Variants in OGT observed in about 807,000 individuals in gnomAD.
OGT encodes the protein UDP-N-acetylglucosamine--peptide N-acetylglucosaminyltransferase 110 kDa subunit.
A neutral mutation model predicts 75.8 loss-of-function variants in OGT; 3 were observed. The ratio of observed to expected loss-of-function variants is 0.04; its 90% CI spans 0.02 to 0.10. The LOEUF is 0.10. Among genes scored for constraint, OGT ranks in the 10% least tolerant of loss-of-function variants. The pLI, the probability that OGT is intolerant of heterozygous loss-of-function variation, is 1.00. For missense variants in OGT, 260 were observed against 824.4 expected, an observed-to-expected ratio of 0.32 and a Z score of 8.38; for synonymous variants, 257 against 289.7, an observed-to-expected ratio of 0.89 and a Z score of 1.15.
At chrX:71,542,801 T>C (rs944993920) in intron 3 of OGT, among the ~76,000 whole-genome samples, 1 of 112,560 alleles carries the variant, frequency 8.9e-6, no homozygotes, top group African/African-American at 3.2e-5. Context: ...GAAAAAAACA[T>C]AACCATACAA....
intron 13 of OGT, 49 bp from the exon 14 acceptor site, chrX:71,559,539 A>G: frequency 8.6e-7 from 1 of 1,168,214 alleles, no homozygotes; most frequent in Non-Finnish European, 1.2e-6. Flanking sequence ...GATTTGAGCC[A>G]GAAAGATTTG....
At chrX:71,572,023 C>G (rs1002622901) in intron 21 of OGT, among the ~76,000 whole-genome samples, 2 of 111,060 alleles carry the variant, frequency 1.8e-5, no homozygotes, top group Admixed American at 9.6e-5. Flanking sequence ...CCTGCCTCGG[C>G]CTCCCAAAGT....
At chrX:71,549,295 CAAA>C (rs35779562) in intron 5 of OGT, among the ~76,000 whole-genome samples, 11 of 21,829 alleles carry the variant, frequency 5.0e-4, no homozygotes, top group African/African-American at 1.2e-3. Context: ...GGCCCTGTCT[CAAA>C]AAAAAAAAAA....
chrX:71,561,792 A>G lies in OGT; in HGVS notation c.1869A>G (p.Lys623=), dbSNP rs1157024271. ...TTCTGTAGATTCCATGCAATGGAAA[A>G]GCAGCTGATCGCATCCATCAGGATG... The part of the protein sequence containing the change: ...IDLSQIPCNG[K]AADRIHQDGI... Residue 623 remains lysine, a synonymous_variant, in exon 15 of 22, where the codon AAA becomes AAG. Coordinates refer to ENST00000373719, the MANE Select transcript of OGT (RefSeq NM_181672.3). 1 of 1,202,699 alleles carries G rather than the reference A, an allele frequency of 8.3e-7. No individual in the cohort carries two copies. Among genetic ancestry groups the G allele is most frequent in the South Asian group, 1.8e-5 (1 of 55,433 alleles).
At position 71,564,773 on chromosome X, in the gene OGT, A is replaced by G. The variant is rs1191340369; in HGVS notation, c.2589+20A>G. 8.8e-7 allele frequency: 1 copy of G among 1,132,711 alleles called. No individual in the cohort carries two copies. Among genetic ancestry groups the G allele is most frequent in the East Asian group, 3.0e-5 (1 of 32,832 alleles). 93.3% of individuals were successfully genotyped at this position (1,132,711 alleles called of 1,213,427 possible). A position where few individuals can be genotyped will look rare whatever the true frequency, so the allele number is the denominator to read the frequency against. The stretch of plus-strand genomic sequence containing the variant: ...GCAAACGTGAGTATGCAAGTATGTT[A>G]GAGACTAATAAAGATTTTGTATCTA... On this transcript the variant is annotated intron_variant, in intron 19 of 21. Transcript: ENST00000373719.
intron 3 of OGT, among the ~76,000 whole-genome samples, chrX:71,540,824 C>G (rs2040212947): frequency 9.1e-6 from 1 of 110,421 alleles, no homozygotes; most frequent in East Asian, 2.8e-4. Context: ...AGGTGCCCAC[C>G]ACCATGCCTG....
intron 12 of OGT, 92 bp downstream of exon 12, chrX:71,557,764 A>G: frequency 2.4e-6 from 2 of 820,154 alleles, no homozygotes; most frequent in South Asian, 2.8e-5. Flanking sequence ...ATGAACGATT[A>G]TAAAGTGAAC....
chrX:71,544,760 G>T lies in OGT; in HGVS notation c.531+125G>T, dbSNP rs2040247857. On this transcript the variant is annotated intron_variant, in intron 4 of 21. Coordinates refer to ENST00000373719, the MANE Select transcript of OGT (RefSeq NM_181672.3). ...CCTTTGAAACTGAGGAAAACTGACG[G>T]CACGAATCGCCTCAGAATAGAGCAG... 3 of 551,333 alleles carry T rather than the reference G, an allele frequency of 5.4e-6. No individual in the cohort carries two copies. The African/African-American group carries it at 6.9e-5, about 13-fold the overall frequency. The allele number at this position is 551,333 out of a possible 1,213,427, so 45.4% of individuals were successfully genotyped here.
At chrX:71,547,802 C>T in intron 4 of OGT, 105 bp from the exon 5 acceptor site, 1 of 1,119,950 alleles carries the variant, frequency 8.9e-7, no homozygotes, top group South Asian at 2.0e-5. Context: ...AATGATATCA[C>T]CTTCTTCCCC....
chrX:71,555,893 C>T lies in OGT; in HGVS notation c.925-61C>T, dbSNP rs376623947. On this transcript the variant is annotated intron_variant, in intron 7 of 21. Transcript: ENST00000373719. ...AGGCTTAATTAAACAATTATTAGAA[C>T]AGTATCAGTGGAGGCTTTATGATTC... The T allele has an allele frequency of 3.6e-5, 41 of 1,138,422 alleles. 1 individual carries two copies. The African/African-American group carries it at 4.3e-4, about 12-fold the overall frequency. The allele number at this position is 1,138,422 out of a possible 1,213,427, so 93.8% of individuals were successfully genotyped here.
intron 8 of OGT, 135 bp downstream of exon 8, chrX:71,556,229 GAGTA>G (rs1475126096): frequency 2.9e-6 from 2 of 687,265 alleles, no homozygotes; most frequent in African/African-American, 4.4e-5. Context: ...AGTAACAATT[GAGTA>G]CCTAAGGTAT....
intron 14 of OGT, among the ~76,000 whole-genome samples, chrX:71,560,614 A>G (rs927537961): frequency 8.9e-6 from 1 of 112,185 alleles, no homozygotes; most frequent in Non-Finnish European, 1.9e-5. Flanking sequence ...GTATATATAT[A>G]TGAATCACTG....
rs1363125529 is a variant in OGT at position 71,533,319 on chromosome X, A to G, written c.20A>G (p.Asn7Ser). 1.7e-6 allele frequency: 2 copies of G among 1,197,305 alleles called. No individual in the cohort carries two copies. Among genetic ancestry groups the G allele is most frequent in the Non-Finnish European group, 1.1e-6 (1 of 888,873 alleles). The change falls in exon 1 of 22, where the codon AAC becomes AGC. Residue 7 changes from asparagine (N) to serine (S), a missense_variant. This residue lies in a region of OGT where 38 missense variants were observed against 117.1 expected (regional missense o/e 0.32). Coordinates refer to ENST00000373719, the MANE Select transcript of OGT (RefSeq NM_181672.3). ...CTCCAGATGGCGTCTTCCGTGGGCAACGTGGCCGACAGCACAGGTACCGGT... is the reference window on the plus strand; with the variant it reads ...CTCCAGATGGCGTCTTCCGTGGGCAGCGTGGCCGACAGCACAGGTACCGGT... MASSVG[N>S]VADSTEPTKR...
chrX:71,537,775 C>G (rs1406443151), intron 2 of OGT, 54 bp from the exon 3 acceptor site: 2 of 1,189,731 alleles, frequency 1.7e-6, no homozygotes, highest in African/African-American at 3.5e-5. Flanking sequence ...ATGGGCCATA[C>G]CTTCTTTTCT....
intron 21 of OGT, among the ~76,000 whole-genome samples, chrX:71,568,886 A>G (rs866859090): frequency 1.8e-5 from 2 of 111,363 alleles, no homozygotes; most frequent in African/African-American, 3.3e-5. Flanking sequence ...AAACAAAAAA[A>G]ACCAAAAAAA....
At chrX:71,560,582 G>A (rs4844297) in intron 14 of OGT, among the ~76,000 whole-genome samples, 28,279 of 110,956 alleles carry the variant, frequency 0.25, 3,705 homozygotes, top group East Asian at 0.48. Flanking sequence ...ATGCATATAT[G>A]TATAAATATA....
At chrX:71,541,057 C>G (rs1366251439) in intron 3 of OGT, among the ~76,000 whole-genome samples, 1 of 111,896 alleles carries the variant, frequency 8.9e-6, no homozygotes, top group Non-Finnish European at 1.9e-5. Context: ...ACTAGAGTTG[C>G]CTATACCTGG....
chrX:71,562,990 T>C lies in OGT; in HGVS notation c.2121T>C (p.Asp707=). 8.3e-7 allele frequency: 1 copy of C among 1,209,231 alleles called. No individual in the cohort carries two copies. The highest frequency in any genetic ancestry group is 1.1e-6 in the Non-Finnish European group (1 of 893,304). The part of the protein sequence containing the change: ...AYMPHTFFIG[D]HANMFPHLKK... Reference sequence around the variant, plus strand: ...TGCCCCACACTTTTTTTATTGGTGATCATGCTAATATGTTCCCTCACCTGA... The same window carrying C: ...TGCCCCACACTTTTTTTATTGGTGACCATGCTAATATGTTCCCTCACCTGA... Residue 707 remains aspartate, a synonymous_variant, in exon 16 of 22, where the codon GAT becomes GAC. Transcript: ENST00000373719.
chrX:71,548,006 A>G lies in OGT; in HGVS notation c.631A>G (p.Ile211Val). Residue 211 changes from isoleucine (I) to valine (V), a missense_variant, in exon 5 of 22, where the codon ATT becomes GTT. Transcript: ENST00000373719. ...FNAQGEIWLA[I>V]HHFEKAVTLD... ...TGCACAAGGGGAAATTTGGCTTGCA[A>G]TTCATCACTTTGAAAAGGTTAGTCA... 2 of 1,209,968 alleles carry G rather than the reference A, an allele frequency of 1.7e-6. No individual in the cohort carries two copies. The highest frequency in any genetic ancestry group is 2.2e-6 in the Non-Finnish European group (2 of 894,701).
Sources: allele counts gnomAD v4.1 joint callset (sites outside exome capture counted in the v4.1 genomes callset), GRCh38; gene constraint gnomAD v4.1.1; regional missense constraint gnomAD v4.1.1; transcripts MANE v1.5; gene names NCBI Gene and HGNC (gene_info 2026-07-23, HGNC 2026-07-21).